ZFHX3: variants seen among roughly 807,000 people sequenced by gnomAD.
The protein encoded by ZFHX3 is zinc finger homeobox protein 3.
A neutral mutation model predicts 279.1 loss-of-function variants in ZFHX3; 42 were observed. The observed-to-expected ratio is 0.15, with a 90% CI of 0.12 to 0.19. The LOEUF is 0.19. Ranked by LOEUF, ZFHX3 falls within the 10% of genes least tolerant of loss-of-function variation. The pLI is 1.00. For missense variants in ZFHX3, 4,981 were observed against 4,754.0 expected (o/e 1.05, Z -1.40); for synonymous variants, 2,293 against 1,957.8 (o/e 1.17, Z -4.52).
At chr16:73,390,260 A>G (rs1304735140) in intron 3 of ZFHX3, among the ~76,000 whole-genome samples, 1 of 152,080 alleles carries the variant, frequency 6.6e-6, no homozygotes, top group Non-Finnish European at 1.5e-5. Flanking sequence ...GAAAGCCATG[A>G]GTACTGTGAA....
chr16:72,879,553 G>A (rs186769199), intron 4 of ZFHX3, among the ~76,000 whole-genome samples: 22 of 152,214 alleles, frequency 1.4e-4, no homozygotes, highest in African/African-American at 4.8e-4. Flanking sequence ...AGCCTCCCGA[G>A]AAGCTGGGAT....
chr16:73,812,411 A>G (rs775445945), intron 1 of ZFHX3, among the ~76,000 whole-genome samples: 1 of 152,168 alleles, frequency 6.6e-6, no homozygotes, highest in African/African-American at 2.4e-5. Flanking sequence ...ACCACAATGC[A>G]CTATAGAAAT....
chr16:73,632,147 G>A (rs1274038603), intron 2 of ZFHX3, among the ~76,000 whole-genome samples: 2 of 152,046 alleles, frequency 1.3e-5, no homozygotes, highest in African/African-American at 4.8e-5. Flanking sequence ...AAAATATAAT[G>A]GTCATTTCCT....
chr16:73,105,700 C>T (rs1424553097), intron 7 of ZFHX3, among the ~76,000 whole-genome samples: 1 of 152,106 alleles, frequency 6.6e-6, no homozygotes, highest in African/African-American at 2.4e-5. Flanking sequence ...TTGCAATGGG[C>T]TGAGATCGTG....
At chr16:73,276,173 CTTTCTTT>C (rs1338601726) in intron 4 of ZFHX3, among the ~76,000 whole-genome samples, 5 of 140,768 alleles carry the variant, frequency 3.6e-5, no homozygotes, top group Non-Finnish European at 7.6e-5. Context: ...CTTCCTTTTT[CTTTCTTT>C]TTTTTTTTTT....
intron 1 of ZFHX3, among the ~76,000 whole-genome samples, chr16:73,840,917 A>C (rs757965562): frequency 1.3e-5 from 2 of 152,150 alleles, no homozygotes; most frequent in Non-Finnish European, 2.9e-5. Flanking sequence ...AACTGCTCCA[A>C]ACAACAGGAA....
intron 5 of ZFHX3, among the ~76,000 whole-genome samples, chr16:73,215,630 C>T (rs990005076): frequency 6.6e-6 from 1 of 152,182 alleles, no homozygotes; most frequent in Non-Finnish European, 1.5e-5. Flanking sequence ...TGGCCCCATA[C>T]TCAACGTATC....
At chr16:72,871,997 A>G (rs7342728) in intron 4 of ZFHX3, among the ~76,000 whole-genome samples, 80,797 of 151,698 alleles carry the variant, frequency 0.53, 22,348 homozygotes, top group East Asian at 0.63. Context: ...AGGCAGGAGA[A>G]TGGCATGAAC....
intron 1 of ZFHX3, among the ~76,000 whole-genome samples, chr16:73,835,971 G>A (rs1332833243): frequency 2.0e-5 from 3 of 152,132 alleles, no homozygotes; most frequent in African/African-American, 7.2e-5. Flanking sequence ...AAGAAAATGG[G>A]CTCATGGAAA....
chr16:73,436,525 C>T (rs777627836), intron 3 of ZFHX3, among the ~76,000 whole-genome samples: 2 of 152,172 alleles, frequency 1.3e-5, no homozygotes, highest in Admixed American at 6.5e-5. Flanking sequence ...ACCACCCCCA[C>T]GATTCAGTTA....
intron 3 of ZFHX3, among the ~76,000 whole-genome samples, chr16:73,437,097 A>G (rs1023270535): frequency 1.3e-5 from 2 of 152,204 alleles, no homozygotes; most frequent in Non-Finnish European, 2.9e-5. Flanking sequence ...GACTTCTTAC[A>G]AATAGTAGAA....
At chr16:73,410,576 A>AAT (rs1023385451) in intron 3 of ZFHX3, among the ~76,000 whole-genome samples, 1 of 152,168 alleles carries the variant, frequency 6.6e-6, no homozygotes, top group Non-Finnish European at 1.5e-5. Flanking sequence ...GTACCCCAAA[A>AAT]ATATATATAT....
chr16:73,630,665 AG>A (rs568148951), intron 2 of ZFHX3, among the ~76,000 whole-genome samples: 1 of 152,334 alleles, frequency 6.6e-6, no homozygotes, highest in East Asian at 1.9e-4. Context: ...GTGACATAAG[AG>A]AACAACAGTC....
At chr16:73,037,944 G>A (rs754440576) in intron 1 of ZFHX3, among the ~76,000 whole-genome samples, 2 of 152,152 alleles carry the variant, frequency 1.3e-5, no homozygotes, top group African/African-American at 4.8e-5. Context: ...CCAGGCATAC[G>A]GTTATCTGGG....
chr16:73,033,527 G>A (rs1187384086), intron 1 of ZFHX3, among the ~76,000 whole-genome samples: 2 of 151,016 alleles, frequency 1.3e-5, no homozygotes, highest in Non-Finnish European at 2.9e-5. Context: ...AAGGGGGCAG[G>A]CGGGGGGTGG....
chr16:73,388,724 GC>G, intron 3 of ZFHX3: 1 of 152,310 alleles, frequency 6.6e-6, no homozygotes, highest in African/African-American at 2.4e-5. Context: ...CTATTAGAAG[GC>G]CTCTGTGACA....
chr16:73,315,828 G>A (rs138175600), intron 4 of ZFHX3, among the ~76,000 whole-genome samples: 10 of 152,248 alleles, frequency 6.6e-5, no homozygotes, highest in Non-Finnish European at 1.3e-4. Context: ...CTCACTTCCC[G>A]TTTTCAGTTA....
intron 2 of ZFHX3, among the ~76,000 whole-genome samples, chr16:73,476,072 T>C (rs960049992): frequency 6.6e-6 from 1 of 152,186 alleles, no homozygotes; most frequent in Non-Finnish European, 1.5e-5. Context: ...TTTAATTTGT[T>C]CGGTTCTTTT....
intron 2 of ZFHX3, among the ~76,000 whole-genome samples, chr16:73,537,651 A>G (rs2019929210): frequency 6.6e-6 from 1 of 152,218 alleles, no homozygotes; most frequent in African/African-American, 2.4e-5. Flanking sequence ...TAGAGGCTAC[A>G]ATTGTGCTTA....
Sources: gnomAD v4.1 joint callset for allele counts (sites outside exome capture counted in the v4.1 genomes callset) on GRCh38, gnomAD v4.1.1 for gene constraint, MANE v1.5 for transcripts, NCBI Gene and HGNC (gene_info 2026-07-23, HGNC 2026-07-21) for gene names.